The following IRF8 variants were observed in gnomAD, a reference collection of about 807,000 sequenced individuals.
IRF8 encodes the protein interferon consensus sequence binding protein 1.
Under a neutral mutation model 48.7 loss-of-function variants are expected in IRF8, and 14 were observed. That is an observed-to-expected ratio of 0.29 (90% CI 0.19 to 0.45). The LOEUF (loss-of-function observed/expected upper bound fraction) is 0.45, where lower values mean the gene tolerates loss of function less well. Among genes scored for constraint, IRF8 ranks in the 20% least tolerant of loss-of-function variants. The probability of loss-of-function intolerance (pLI) is 1.00; values close to 1 mark genes in which losing one functional copy is unlikely to be tolerated. For synonymous variants in IRF8, 278 were observed against 227.3 expected (o/e 1.22, Z -2.01); for missense variants, 493 against 580.7 (o/e 0.85, Z 1.55).
chr16:85,918,291 A>C (rs1202214031), intron 6 of IRF8, 126 bp from the exon 7 acceptor site: 4 of 1,083,700 alleles, frequency 3.7e-6, no homozygotes, highest in African/African-American at 1.6e-5. Context: ...ATTTCCCCAG[A>C]ATATCAAAGT....
intron 1 of IRF8, among the ~76,000 whole-genome samples, chr16:85,899,597 A>C (rs1308095623): frequency 6.6e-6 from 1 of 152,326 alleles, no homozygotes; most frequent in Non-Finnish European, 1.5e-5. Context: ...ACGTGGAATA[A>C]TGCTTGGAGG....
chr16:85,901,632 T>C (rs547979827), intron 1 of IRF8, among the ~76,000 whole-genome samples: 10 of 152,062 alleles, frequency 6.6e-5, no homozygotes, highest in Admixed American at 6.5e-4. Context: ...GAAAAAAAAA[T>C]TGAACTCATC....
In IRF8 at chr16:85,918,650, C is replaced by A. The variant is rs775906478; in HGVS notation, c.835C>A (p.Leu279Met). 8.1e-6 allele frequency: 13 copies of A among 1,609,608 alleles called. No homozygotes were observed. Among genetic ancestry groups the A allele is most frequent in the East Asian group, 2.2e-5 (1 of 44,892 alleles). ...GTTCGGGCACCTGGAGCGCGGGGTG[C>A]TGCTGCACAGCAGCCGGCAGGGCGT... ...KLFGHLERGV[L>M]LHSSRQGVFV... The change falls in exon 7 of 9, where the codon CTG becomes ATG. Residue 279 changes from leucine (L) to methionine (M), a missense_variant. By Grantham distance (15) the Leu-to-Met change is conservative. Around this residue, in one of 3 missense-constraint regions of IRF8, gnomAD observed 408 missense variants for 449.6 expected, o/e 0.91. Coordinates refer to ENST00000268638, the MANE Select transcript of IRF8 (RefSeq NM_002163.4).
At chr16:85,917,860 C>T (rs758235920) in intron 6 of IRF8, among the ~76,000 whole-genome samples, 12 of 152,262 alleles carry the variant, frequency 7.9e-5, no homozygotes, top group Non-Finnish European at 1.5e-4. Flanking sequence ...TTTTCAGACT[C>T]TTTCCTGAGA....
intron 5 of IRF8, chr16:85,913,457 G>C: frequency 1.7e-6 from 1 of 584,748 alleles, no homozygotes; most frequent in South Asian, 1.9e-5. Context: ...TCTCAGGAGG[G>C]CACAAGCTGC....
intron 4 of IRF8, 111 bp from the exon 5 acceptor site, chr16:85,913,020 G>A (rs1905190023): frequency 7.0e-6 from 6 of 851,768 alleles, no homozygotes; most frequent in Non-Finnish European, 1.0e-5. Context: ...TGAGATAAAG[G>A]TGACAATATG....
chr16:85,903,881 C>G (rs969271358), intron 2 of IRF8, among the ~76,000 whole-genome samples: 2 of 152,166 alleles, frequency 1.3e-5, no homozygotes, highest in Admixed American at 1.3e-4. Context: ...TCTCACAGCT[C>G]TTGTATGACG....
chr16:85,911,534 T>C lies in IRF8; in HGVS notation c.359-36T>C, dbSNP rs761005147. The stretch of plus-strand genomic sequence containing the variant: ...TTCAGCAAAGGCTGTGATGCCTCCG[T>C]GCCATGTGTCATGGTGTTTGTCTGG... On this transcript the variant is annotated intron_variant, in intron 3 of 8. Transcript: ENST00000268638. 1.9e-6 allele frequency: 3 copies of C among 1,564,428 alleles called. No homozygotes were observed. The African/African-American group carries it at 4.1e-5, about 21-fold the overall frequency.
rs1029434073 is a variant in IRF8 at position 85,914,412 on chromosome 16, G to C, written c.554-61G>C. Reference sequence around the variant, plus strand: ...GGACTTTTGGAGAAGGAGCGATTGGGGTTACTCCCTGTACACCACACCTGG... The same window carrying C: ...GGACTTTTGGAGAAGGAGCGATTGGCGTTACTCCCTGTACACCACACCTGG... On this transcript the variant is annotated intron_variant, in intron 5 of 8. Transcript: ENST00000268638. The C allele has an allele frequency of 3.7e-6, 6 of 1,600,090 alleles. No homozygotes were observed. The African/African-American group carries it at 8.0e-5, about 21-fold the overall frequency.
intron 2 of IRF8, among the ~76,000 whole-genome samples, chr16:85,904,812 C>CTTTTTTTTTTTTTTTTTT (rs1177860791): frequency 1.0e-4 from 9 of 87,634 alleles, no homozygotes; most frequent in Non-Finnish European, 1.7e-4. Flanking sequence ...GATTGCAGAT[C>CTTTTTTTTTTTTTTTTTT]TTTTTTTTTT....
intron 2 of IRF8, among the ~76,000 whole-genome samples, chr16:85,907,395 C>T (rs552940946): frequency 6.6e-6 from 1 of 152,228 alleles, no homozygotes; most frequent in African/African-American, 2.4e-5. Flanking sequence ...AGACAGCTAC[C>T]TGGGCCGGGC....
At chr16:85,902,760 G>C in intron 1 of IRF8, 1 of 517,532 alleles carries the variant, frequency 1.9e-6, no homozygotes, top group Non-Finnish European at 3.4e-6. Flanking sequence ...CCAGCACAGT[G>C]GGAGGGGCCT....
Position 85,904,475 on chromosome 16 carries a change from A to G in IRF8, c.174+1286A>G, listed in dbSNP as rs910547509. On this transcript the variant is annotated intron_variant, in intron 2 of 8. Transcript: ENST00000268638. ...CCAGAGTGGACCATAAATAGGTCAA[A>G]GGTAGCTTAAGATGCATTTTGGTCC... 4.0e-4 allele frequency among the ~76,000 whole-genome samples: 61 copies of G among 152,238 alleles called. 2 individuals are homozygous for G. Among genetic ancestry groups the G allele is most frequent in the Non-Finnish European group, 8.8e-5 (6 of 68,026 alleles).
intron 6 of IRF8, among the ~76,000 whole-genome samples, chr16:85,917,193 G>A (rs534766411): frequency 2.0e-5 from 3 of 152,202 alleles, no homozygotes; most frequent in Non-Finnish European, 2.9e-5. Context: ...GCGCCGTGGA[G>A]TTAGGCACCT....
chr16:85,908,929 T>G, intron 2 of IRF8, 61 bp from the exon 3 acceptor site: 1 of 1,410,616 alleles, frequency 7.1e-7, no homozygotes, highest in South Asian at 1.2e-5. Flanking sequence ...CTGGTCATGG[T>G]GACGGATATT....
intron 5 of IRF8, 109 bp from the exon 6 acceptor site, chr16:85,914,364 C>T (rs930873701): frequency 2.3e-6 from 3 of 1,283,750 alleles, no homozygotes; most frequent in Non-Finnish European, 3.4e-6. Context: ...GAGCCTCTGG[C>T]ACGCCATGTG....
At chr16:85,915,598 G>A (rs746458958) in intron 6 of IRF8, among the ~76,000 whole-genome samples, 22 of 152,350 alleles carry the variant, frequency 1.4e-4, no homozygotes, top group South Asian at 2.1e-4. Flanking sequence ...CATCCAGGTC[G>A]CGCAGGCCTC....
rs141416467 is a variant in IRF8 at position 85,900,326 on chromosome 16, A to G, written c.-2+1103A>G. 1.4e-3 allele frequency among the ~76,000 whole-genome samples: 212 copies of G among 152,346 alleles called. 1 individual carries two copies. Among genetic ancestry groups the G allele is most frequent in the African/African-American group, 4.9e-3 (202 of 41,586 alleles). On this transcript the variant is annotated intron_variant, in intron 1 of 8. Transcript: ENST00000268638. ...CTGCTGTATACATTTCTAGGGCTGC[A>G]GATAGGGCTTGGCCAATAGATTACC...
intron 2 of IRF8, chr16:85,903,496 T>A (rs1161084750): frequency 2.5e-6 from 1 of 395,952 alleles, no homozygotes; most frequent in Non-Finnish European, 4.8e-6. Flanking sequence ...CTTCGAGACC[T>A]TCACGCTAAG....
Sources: allele counts gnomAD v4.1 joint callset (sites outside exome capture counted in the v4.1 genomes callset), GRCh38; gene constraint gnomAD v4.1.1; regional missense constraint gnomAD v4.1.1; transcripts MANE v1.5; gene names NCBI Gene and HGNC (gene_info 2026-07-23, HGNC 2026-07-21).